The following PIK3C2B variants were observed in gnomAD, a reference collection of about 807,000 sequenced individuals.
PIK3C2B encodes the protein phosphatidylinositol 4-phosphate 3-kinase C2 domain-containing subunit beta.
In PIK3C2B, 83 loss-of-function variants were observed where a neutral mutation model predicts 184.3. The observed-to-expected ratio is 0.45, with a 90% CI of 0.38 to 0.54. The LOEUF (loss-of-function observed/expected upper bound fraction) is 0.54. Ranked by LOEUF, PIK3C2B falls within the 20% of genes least tolerant of loss-of-function variation. The probability of loss-of-function intolerance (pLI) is 0.00; values close to 1 mark genes in which losing one functional copy is unlikely to be tolerated. For synonymous variants in PIK3C2B, 779 were observed against 837.6 expected, an observed-to-expected ratio of 0.93 and a Z score of 1.21; for missense variants, 1,736 against 2,113.5, an observed-to-expected ratio of 0.82 and a Z score of 3.50.
Position 204,469,702 on chromosome 1 carries a change from T to C in PIK3C2B, c.101A>G (p.Tyr34Cys). The C allele has an allele frequency of 1.2e-6, 2 of 1,614,090 alleles. No individual in the cohort carries two copies. The highest frequency in any genetic ancestry group is 1.7e-6 in the Non-Finnish European group (2 of 1,179,978). The change falls in exon 2 of 33, where the codon TAT becomes TGT. Residue 34 changes from tyrosine to cysteine, a missense_variant. Physicochemically the swap from Tyr to Cys is radical, Grantham distance 194. Around this residue, in one of 8 missense-constraint regions of PIK3C2B, gnomAD observed 404 missense variants for 418.0 expected, o/e 0.97. Transcript: ENST00000684373. Reference protein sequence around the residue: ...LAMAEALQMEYDALSRLRHDK... With the variant: ...LAMAEALQMECDALSRLRHDK... ...ATGCCGGAGCCGGGACAGGGCATCA[T>C]ACTCCATCTGCAGGGCTTCGGCCAT... is the stretch of plus-strand genomic sequence containing the variant.
intron 23 of PIK3C2B, 57 bp downstream of exon 23, chr1:204,438,878 G>A: frequency 6.3e-7 from 1 of 1,575,260 alleles, no homozygotes; most frequent in Non-Finnish European, 8.7e-7. Context: ...TTAAAGAGCT[G>A]TGTGCCGGCA....
intron 1 of PIK3C2B, among the ~76,000 whole-genome samples, chr1:204,479,903 C>T (rs1374482495): frequency 6.6e-6 from 1 of 152,238 alleles, no homozygotes; most frequent in Non-Finnish European, 1.5e-5. Flanking sequence ...GCCAGGGCAC[C>T]AAAGTGAGGA....
rs145758623 is a variant in PIK3C2B, at chr1:204,452,463, G to C, written c.2066+2206C>G. Among the ~76,000 whole-genome samples the C allele has an allele frequency of 1.3e-3, 196 of 148,806 alleles. 6 individuals carry two copies. In the East Asian group the frequency reaches 0.038, roughly 29 times the overall value. Reference sequence around the variant, plus strand: ...TGGCTAATTTTTTGTATTTTTTGTAGAGATTGGGTCTCCCTTGTTGCCCAG... The same window carrying C: ...TGGCTAATTTTTTGTATTTTTTGTACAGATTGGGTCTCCCTTGTTGCCCAG... On this transcript the variant is annotated intron_variant, in intron 12 of 32. Coordinates refer to ENST00000684373, the MANE Select transcript of PIK3C2B (RefSeq NM_001377334.1).
intron 22 of PIK3C2B, among the ~76,000 whole-genome samples, chr1:204,439,633 T>A (rs548689866): frequency 6.6e-6 from 1 of 152,192 alleles, no homozygotes; most frequent in Non-Finnish European, 1.5e-5. Flanking sequence ...CTTCTCTCTC[T>A]CTCTCTATAT....
At chr1:204,491,426 C>T (rs1365257236) in intron 1 of PIK3C2B, among the ~76,000 whole-genome samples, 1 of 151,658 alleles carries the variant, frequency 6.6e-6, no homozygotes, top group Non-Finnish European at 1.5e-5. Context: ...GACATAGTGG[C>T]TCATGCCTAT....
At position 204,424,586 on chromosome 1, in the gene PIK3C2B, A is replaced by T; in HGVS notation, c.*266T>A. On this transcript the variant is annotated 3_prime_UTR_variant, in exon 33 of 33. Transcript: ENST00000684373. ...CCAAACCAAGCATTGCTCCCTTGAC[A>T]CAAGGTAAACTTAAAACTTTGCTGC... 1 of 617,762 alleles carries T rather than the reference A, an allele frequency of 1.6e-6. No homozygotes were observed. The highest frequency in any genetic ancestry group is 3.0e-6 in the Non-Finnish European group (1 of 328,632). The allele number at this position is 617,762 out of a possible 1,614,324, so 38.3% of individuals were successfully genotyped here. A position where few individuals can be genotyped will look rare whatever the true frequency, so the allele number is the denominator to read the frequency against.
chr1:204,434,321 C>T (rs1675227666), intron 24 of PIK3C2B, 118 bp downstream of exon 24: 2 of 885,312 alleles, frequency 2.3e-6, no homozygotes, highest in Non-Finnish European at 3.6e-6. Context: ...GCTGCTCAGC[C>T]CTGGGACCAT....
chr1:204,467,244 G>C (rs1306303042), intron 2 of PIK3C2B: 1 of 261,320 alleles, frequency 3.8e-6, no homozygotes, highest in Non-Finnish European at 7.6e-6. Context: ...TGGGTGTGAG[G>C]AACTCAGAGC....
rs1356506811 is a variant in PIK3C2B, at chr1:204,443,513, C to G, written c.2952G>C (p.Lys984Asn). ...GGCGGTTAAACTCTTCTCTCAGCCCCTTGCCACAGCAGCACAGTAAGGCTG... is the reference window on the plus strand; with the variant it reads ...GGCGGTTAAACTCTTCTCTCAGCCCGTTGCCACAGCAGCACAGTAAGGCTG... ...LLAALLCCCG[K>N]GLREEFNRQC... The change falls in exon 19 of 33, where the codon AAG becomes AAC. Residue 984 changes from lysine (K) to asparagine (N), a missense_variant. Around this residue, in one of 8 missense-constraint regions of PIK3C2B, gnomAD observed 289 missense variants for 380.4 expected, o/e 0.76. Coordinates refer to ENST00000684373, the MANE Select transcript of PIK3C2B (RefSeq NM_001377334.1). 6.2e-7 allele frequency: 1 copy of G among 1,614,130 alleles called. No homozygotes were observed. The highest frequency in any genetic ancestry group is 1.3e-5 in the African/African-American group (1 of 74,948).
At chr1:204,491,726 T>C (rs1029425133) in intron 1 of PIK3C2B, among the ~76,000 whole-genome samples, 2 of 152,192 alleles carry the variant, frequency 1.3e-5, no homozygotes, top group Non-Finnish European at 2.9e-5. Flanking sequence ...CAAGACCCAA[T>C]ATCTCTCTGA....
At chr1:204,443,114 C>T (rs1675764136) in intron 19 of PIK3C2B, among the ~76,000 whole-genome samples, 1 of 152,228 alleles carries the variant, frequency 6.6e-6, no homozygotes, top group Non-Finnish European at 1.5e-5. Context: ...GGCTGGATTT[C>T]AGCCCTCACT....
intron 1 of PIK3C2B, among the ~76,000 whole-genome samples, chr1:204,485,983 T>G (rs867594725): frequency 6.6e-5 from 10 of 152,374 alleles, no homozygotes; most frequent in Middle Eastern, 3.4e-3. Flanking sequence ...TGTGCTCTAC[T>G]GCATTTATGT....
rs909937005 is a variant in PIK3C2B, at chr1:204,457,074, T to C, written c.1714-4A>G. 5.1e-6 allele frequency: 8 copies of C among 1,561,404 alleles called. No homozygotes were observed. The highest frequency in any genetic ancestry group is 1.4e-5 in the African/African-American group (1 of 73,502). On this transcript the variant is annotated splice_region_variant and splice_polypyrimidine_tract_variant and intron_variant, in intron 9 of 32. Transcript: ENST00000684373. ...TCACAGCCAAGACACTGGGATCCTG[T>C]TGGGAAAAAGAAGAGGGAGGGGAGC...
intron 1 of PIK3C2B, among the ~76,000 whole-genome samples, chr1:204,483,097 T>C (rs1657313117): frequency 6.6e-6 from 1 of 152,068 alleles, no homozygotes; most frequent in Admixed American, 6.6e-5. Flanking sequence ...TCCTCCTGCT[T>C]TCTCTCTCTC....
chr1:204,455,886 G>C lies in PIK3C2B; in HGVS notation c.1913C>G (p.Thr638Ser). 1 of 1,613,598 alleles carries C rather than the reference G, an allele frequency of 6.2e-7. No individual in the cohort carries two copies. Among genetic ancestry groups the C allele is most frequent in the Non-Finnish European group, 8.5e-7 (1 of 1,179,686 alleles). Reference sequence around the variant, plus strand: ...AGCCCAGATGATGGGGATGCGGTGGGTGGCATAGACAGTGAAGGCCAGGGA... The same window carrying C: ...AGCCCAGATGATGGGGATGCGGTGGCTGGCATAGACAGTGAAGGCCAGGGA... ...ARSLAFTVYATHRIPIIWATS... is the reference protein window; with the variant it reads ...ARSLAFTVYASHRIPIIWATS... Residue 638 changes from threonine (T) to serine (S), a missense_variant, in exon 11 of 33, where the codon ACC becomes AGC. Physicochemically the swap from Thr to Ser is moderately conservative, Grantham distance 58 (BLOSUM62 1). Coordinates refer to ENST00000684373, the MANE Select transcript of PIK3C2B (RefSeq NM_001377334.1).
intron 1 of PIK3C2B, among the ~76,000 whole-genome samples, chr1:204,474,140 C>T (rs1389434101): frequency 2.0e-5 from 3 of 152,146 alleles, no homozygotes; most frequent in South Asian, 2.1e-4. Context: ...TGCAGGCATG[C>T]GCCACCACGC....
chr1:204,438,884 C>T (rs1231693708), intron 23 of PIK3C2B, 51 bp downstream of exon 23: 12 of 1,582,612 alleles, frequency 7.6e-6, no homozygotes, highest in Admixed American at 3.4e-5. Context: ...AGCTGTGTGC[C>T]GGCATCAGGC....
intron 12 of PIK3C2B, among the ~76,000 whole-genome samples, chr1:204,451,780 G>A (rs760645657): frequency 9.9e-5 from 15 of 152,192 alleles, no homozygotes; most frequent in Non-Finnish European, 1.5e-4. Context: ...TCATGCGCAC[G>A]TATCCCCATG....
intron 29 of PIK3C2B, chr1:204,429,059 CA>C (rs113816473): frequency 0.17 from 41,606 of 248,232 alleles, 2,263 homozygotes; most frequent in African/African-American, 0.28. Context: ...CCTGTCTTTA[CA>C]AAAAAAAAAA....
Sources: allele counts gnomAD v4.1 joint callset (sites outside exome capture counted in the v4.1 genomes callset), GRCh38; gene constraint gnomAD v4.1.1; regional missense constraint gnomAD v4.1.1; transcripts MANE v1.5; gene names NCBI Gene and HGNC (gene_info 2026-07-23, HGNC 2026-07-21).